SCAI: variants seen among roughly 807,000 people sequenced by gnomAD.
SCAI encodes protein SCAI.
In SCAI, 24 loss-of-function variants were observed where a neutral mutation model predicts 92.2. The observed-to-expected ratio is 0.26, with a 90% CI of 0.19 to 0.37. The LOEUF (loss-of-function observed/expected upper bound fraction) is 0.37, where lower values mean the gene tolerates loss of function less well. Ranked by LOEUF, SCAI falls within the 10% of genes least tolerant of loss-of-function variation. The pLI, the probability that SCAI is intolerant of heterozygous loss-of-function variation, is 1.00. For missense variants in SCAI, 450 were observed against 736.2 expected, an observed-to-expected ratio of 0.61 and a Z score of 4.50; for synonymous variants, 261 against 258.6, an observed-to-expected ratio of 1.01 and a Z score of -0.09.
At chr9:125,014,644 C>G (rs1335682425) in intron 9 of SCAI, among the ~76,000 whole-genome samples, 2 of 152,190 alleles carry the variant, frequency 1.3e-5, no homozygotes, top group Non-Finnish European at 2.9e-5. Context: ...CCCCATCAAG[C>G]TACCAATGAC....
chr9:124,982,772 T>C (rs1048849580), intron 14 of SCAI, among the ~76,000 whole-genome samples: 5 of 151,964 alleles, frequency 3.3e-5, no homozygotes, highest in African/African-American at 9.7e-5. Context: ...ATAACTTTCC[T>C]ACATTTCTAG....
intron 2 of SCAI, among the ~76,000 whole-genome samples, chr9:125,136,206 T>C (rs1193393957): frequency 6.9e-6 from 1 of 145,024 alleles, no homozygotes; most frequent in Admixed American, 6.9e-5. Flanking sequence ...CACCTCCCAG[T>C]CTCAGCTGAT....
chr9:124,970,607 C>T (rs960868910), intron 17 of SCAI, among the ~76,000 whole-genome samples: 2 of 151,754 alleles, frequency 1.3e-5, no homozygotes, highest in African/African-American at 4.8e-5. Context: ...ATAATCCCAG[C>T]TACTACTTGG....
chr9:125,010,483 G>A (rs1380752170), intron 9 of SCAI, among the ~76,000 whole-genome samples: 3 of 152,206 alleles, frequency 2.0e-5, no homozygotes, highest in African/African-American at 7.2e-5. Context: ...TGGGGGAGGG[G>A]TACCCGCCAT....
At chr9:125,007,895 G>A (rs1832545619) in intron 9 of SCAI, among the ~76,000 whole-genome samples, 1 of 151,868 alleles carries the variant, frequency 6.6e-6, no homozygotes, top group Non-Finnish European at 1.5e-5. Context: ...GCCCAGGCTG[G>A]AGTGCAGTGG....
chr9:125,099,828 T>C (rs943695650), intron 2 of SCAI, among the ~76,000 whole-genome samples: 1 of 152,280 alleles, frequency 6.6e-6, no homozygotes, highest in South Asian at 2.1e-4. Context: ...CAGCATAGTG[T>C]CTTCAACGTT....
At chr9:125,024,083 C>G (rs1832919759) in intron 6 of SCAI, among the ~76,000 whole-genome samples, 1 of 151,928 alleles carries the variant, frequency 6.6e-6, no homozygotes, top group Non-Finnish European at 1.5e-5. Flanking sequence ...ATCAACATAA[C>G]TGGAGTTTAT....
At chr9:125,080,782 T>C (rs1039386725) in intron 2 of SCAI, among the ~76,000 whole-genome samples, 1 of 152,212 alleles carries the variant, frequency 6.6e-6, no homozygotes, top group African/African-American at 2.4e-5. Flanking sequence ...AAGCTGATAA[T>C]TTATACCATC....
chr9:125,077,236 C>T (rs1834108486), intron 2 of SCAI, among the ~76,000 whole-genome samples: 1 of 152,182 alleles, frequency 6.6e-6, no homozygotes, highest in African/African-American at 2.4e-5. Flanking sequence ...AAAGAATAAA[C>T]TTTTCCTCAA....
At chr9:125,106,119 AAAAATATAT>A (rs1219301077) in intron 2 of SCAI, among the ~76,000 whole-genome samples, 1 of 55,714 alleles carries the variant, frequency 1.8e-5, no homozygotes, top group African/African-American at 6.7e-5. Flanking sequence ...AAAAAAAAAA[AAAAATATAT>A]ATATATATAT....
At chr9:124,983,454 C>T (rs915553344) in intron 14 of SCAI, among the ~76,000 whole-genome samples, 5 of 152,184 alleles carry the variant, frequency 3.3e-5, no homozygotes, top group Non-Finnish European at 5.9e-5. Flanking sequence ...CGGGTTCAAG[C>T]AACTCTCCCT....
intron 6 of SCAI, among the ~76,000 whole-genome samples, chr9:125,025,316 T>C (rs1002119523): frequency 2.0e-5 from 3 of 152,176 alleles, no homozygotes; most frequent in African/African-American, 7.2e-5. Context: ...TCTAGAAAAC[T>C]GCAAAGGAAA....
chr9:125,130,837 A>G (rs1191527090), intron 2 of SCAI, among the ~76,000 whole-genome samples: 2 of 147,772 alleles, frequency 1.4e-5, no homozygotes, highest in African/African-American at 5.0e-5. Flanking sequence ...TAAATAGTAC[A>G]GGAAAAAATG....
intron 2 of SCAI, among the ~76,000 whole-genome samples, chr9:125,137,423 T>A (rs1835562666): frequency 6.6e-6 from 1 of 152,232 alleles, no homozygotes; most frequent in African/African-American, 2.4e-5. Flanking sequence ...GATGCTATTC[T>A]AGCTGCTGGG....
chr9:125,011,576 C>T (rs1023558978), intron 9 of SCAI, among the ~76,000 whole-genome samples: 14 of 152,168 alleles, frequency 9.2e-5, no homozygotes, highest in Non-Finnish European at 1.6e-4. Flanking sequence ...CTGAAAGTGA[C>T]AGGGAGAATG....
chr9:125,018,808 A>G lies in SCAI; in HGVS notation c.852T>C (p.Cys284=), dbSNP rs537424787. The change falls in exon 9 of 18, where the codon TGT becomes TGC. Residue 284 remains cysteine (C), a synonymous_variant. Transcript: ENST00000336505. ...CTTCACAATTCTTTACCTGATTATT[A>G]CAATTACCAATAATGAGTGCGTCAG... is the stretch of plus-strand genomic sequence containing the variant. The part of the protein sequence containing the change: ...SLADALIIGN[C]NNQVKFSELT... 1.9e-6 allele frequency: 3 copies of G among 1,607,144 alleles called. No homozygotes were observed. Among genetic ancestry groups the G allele is most frequent in the Non-Finnish European group, 2.5e-6 (3 of 1,177,938 alleles).
At chr9:125,119,927 T>C (rs890198821) in intron 2 of SCAI, among the ~76,000 whole-genome samples, 1 of 152,212 alleles carries the variant, frequency 6.6e-6, no homozygotes, top group East Asian at 1.9e-4. Context: ...CCTAGTTGCT[T>C]GGGCTCCTCA....
chr9:125,055,703 G>GT (rs1157144916), intron 3 of SCAI, among the ~76,000 whole-genome samples, 173 bp downstream of exon 3: 1 of 151,822 alleles, frequency 6.6e-6, no homozygotes, highest in Non-Finnish European at 1.5e-5. Flanking sequence ...TTTTCCTATT[G>GT]TTTTTTTATC....
At position 124,950,453 on chromosome 9, in the gene SCAI, T is replaced by TA. The variant is rs768884091; in HGVS notation, c.*2353_*2354insT. 1.3e-5 allele frequency: 2 copies of TA among 152,012 alleles called. No homozygotes were observed. Among genetic ancestry groups the TA allele is most frequent in the Non-Finnish European group, 2.9e-5 (2 of 67,994 alleles). The allele number at this position is 152,012 out of a possible 1,614,324, so 9.4% of individuals were successfully genotyped here. On this transcript the variant is annotated 3_prime_UTR_variant, in exon 18 of 18. Transcript: ENST00000336505. Reference sequence around the variant, plus strand: ...TATGCTTAACGGGGGAGGATAAAGCTCAGAACAGTAAATACTATTTTAAAC... The same window carrying TA: ...TATGCTTAACGGGGGAGGATAAAGCTACAGAACAGTAAATACTATTTTAAAC...
Sources: gnomAD v4.1 joint callset for allele counts (sites outside exome capture counted in the v4.1 genomes callset) on GRCh38, gnomAD v4.1.1 for gene constraint, MANE v1.5 for transcripts, NCBI Gene and HGNC (gene_info 2026-07-23, HGNC 2026-07-21) for gene names.